The following CELF4 variants were observed in gnomAD, a reference collection of about 807,000 sequenced individuals.
CELF4 encodes CUG-BP- and ETR-3-like factor 4.
CELF4 carries 18 observed loss-of-function variants against 59.9 expected under a neutral mutation model. That is an observed-to-expected ratio of 0.30 (90% confidence interval 0.21 to 0.45). CELF4 has a LOEUF of 0.45. Among genes scored for constraint, CELF4 ranks in the 20% least tolerant of loss-of-function variants. The pLI is 1.00. For missense variants in CELF4, 456 were observed against 689.0 expected, an observed-to-expected ratio of 0.66 and a Z score of 3.79; for synonymous variants, 261 against 267.1, an observed-to-expected ratio of 0.98 and a Z score of 0.22.
At chr18:37,540,013 A>G (rs754293810) in intron 1 of CELF4, among the ~76,000 whole-genome samples, 8 of 152,184 alleles carry the variant, frequency 5.3e-5, no homozygotes, top group Non-Finnish European at 1.2e-4. Flanking sequence ...ATGTGTGCGT[A>G]GCTCTCCCTG....
intron 2 of CELF4, among the ~76,000 whole-genome samples, chr18:37,373,120 G>T (rs1374827102): frequency 6.6e-6 from 1 of 152,252 alleles, no homozygotes; most frequent in Non-Finnish European, 1.5e-5. Flanking sequence ...GAGAGACTGA[G>T]GCTGGAGTGG....
intron 3 of CELF4, 99 bp from the exon 4 acceptor site, chr18:37,275,342 C>A (rs2092932889): frequency 9.7e-6 from 7 of 720,574 alleles, no homozygotes; most frequent in African/African-American, 2.6e-5. Context: ...AGGGAGGAGC[C>A]GGGGAGGCGG....
rs550944624 is a variant in CELF4, at chr18:37,338,498, G to A, written c.370-16617C>T. Among the ~76,000 whole-genome samples the A allele has an allele frequency of 2.0e-5, 3 of 152,284 alleles. No homozygotes were observed. In the South Asian group the frequency reaches 6.2e-4, roughly 32 times the overall value. On this transcript the variant is annotated intron_variant, in intron 2 of 12. Coordinates refer to ENST00000420428, the MANE Select transcript of CELF4 (RefSeq NM_020180.4). ...TAAAAAATATTGCTTAGCTCAAAGA[G>A]ATACTGCTAGTGATGGGATTCTGGG...
At chr18:37,288,160 G>T (rs2094986622) in intron 3 of CELF4, among the ~76,000 whole-genome samples, 1 of 152,214 alleles carries the variant, frequency 6.6e-6, no homozygotes, top group African/African-American at 2.4e-5. Context: ...CTGGTTTACT[G>T]TGGACACCTG....
intron 1 of CELF4, among the ~76,000 whole-genome samples, chr18:37,512,663 CT>C (rs1251727373): frequency 6.7e-6 from 1 of 150,188 alleles, no homozygotes; most frequent in Non-Finnish European, 1.5e-5. Context: ...CCATCTCTTT[CT>C]TCTCCTCCTC....
At chr18:37,342,477 G>C (rs571905103) in intron 2 of CELF4, among the ~76,000 whole-genome samples, 1 of 152,180 alleles carries the variant, frequency 6.6e-6, no homozygotes, top group African/African-American at 2.4e-5. Context: ...CTGCCTCGGA[G>C]GGTGAGAGGC....
chr18:37,529,716 G>T (rs769090518), intron 1 of CELF4, among the ~76,000 whole-genome samples: 2 of 152,178 alleles, frequency 1.3e-5, no homozygotes, highest in African/African-American at 2.4e-5. Flanking sequence ...GTGCTGGTAG[G>T]GGGGCAGGAA....
rs554896214 is a variant in CELF4 at position 37,420,672 on chromosome 18, G to A, written c.369+64853C>T. On this transcript the variant is annotated intron_variant, in intron 2 of 12. Transcript: ENST00000420428. Reference sequence around the variant, plus strand: ...AGAGAACAGGTGACTCGTTCTCCAAGCATGGGGCCTGGAACCTGGCTAGTG... The same window carrying A: ...AGAGAACAGGTGACTCGTTCTCCAAACATGGGGCCTGGAACCTGGCTAGTG... 2.1e-4 allele frequency among the ~76,000 whole-genome samples: 32 copies of A among 152,306 alleles called. 1 individual carries two copies. The South Asian group carries it at 6.6e-3, about 32-fold the overall frequency.
At chr18:37,390,978 C>T (rs2099154947) in intron 2 of CELF4, among the ~76,000 whole-genome samples, 1 of 152,152 alleles carries the variant, frequency 6.6e-6, no homozygotes, top group South Asian at 2.1e-4. Context: ...CGTCCTCCCT[C>T]CTGTCCCCGT....
At chr18:37,501,179 C>A (rs1053427197) in intron 1 of CELF4, among the ~76,000 whole-genome samples, 1 of 152,222 alleles carries the variant, frequency 6.6e-6, no homozygotes, top group African/African-American at 2.4e-5. Context: ...TGTGACAAGA[C>A]ACTGGTTTGG....
chr18:37,421,119 G>T (rs187257906), intron 2 of CELF4, among the ~76,000 whole-genome samples: 1 of 152,230 alleles, frequency 6.6e-6, no homozygotes, highest in African/African-American at 2.4e-5. Context: ...ATCCCTCTCC[G>T]GGCATAGGCC....
Position 37,565,618 on chromosome 18 carries a change from T to G in CELF4, c.24A>C (p.Leu8Phe). Residue 8 changes from leucine (L) to phenylalanine (F), a missense_variant, in exon 1 of 13, where the codon TTA (leucine) becomes TTC (phenylalanine). Physicochemically the swap from Leu to Phe is conservative, Grantham distance 22. Around this residue, in one of 7 missense-constraint regions of CELF4, gnomAD observed 70 missense variants for 69.5 expected, o/e 1.01. Transcript: ENST00000420428. MYIKMAT[L>F]ANGQADNASL... ...TTGCGTTGTCAGCCTGTCCGTTTGC[T>G]AACGTGGCCATCTTTATATACATAG... 6.2e-7 allele frequency: 1 copy of G among 1,603,492 alleles called. No individual in the cohort carries two copies. The highest frequency in any genetic ancestry group is 2.2e-5 in the East Asian group (1 of 44,622).
intron 3 of CELF4, among the ~76,000 whole-genome samples, chr18:37,289,817 G>A (rs1284547638): frequency 4.6e-5 from 7 of 152,192 alleles, no homozygotes; most frequent in Non-Finnish European, 7.3e-5. Context: ...TGGCTGCACC[G>A]CCTTCTCTGT....
At chr18:37,520,437 C>T (rs571473467) in intron 1 of CELF4, among the ~76,000 whole-genome samples, 2 of 152,182 alleles carry the variant, frequency 1.3e-5, no homozygotes, top group African/African-American at 4.8e-5. Flanking sequence ...AAGCTTTGCA[C>T]TATAGCTGCT....
chr18:37,463,707 C>T (rs372936508), intron 2 of CELF4, among the ~76,000 whole-genome samples: 129 of 152,274 alleles, frequency 8.5e-4, no homozygotes, highest in Admixed American at 2.7e-3. Context: ...AATGACCACT[C>T]TTATTGTCAC....
intron 1 of CELF4, among the ~76,000 whole-genome samples, chr18:37,561,572 T>C (rs1189542075): frequency 6.6e-6 from 1 of 152,228 alleles, no homozygotes; most frequent in Non-Finnish European, 1.5e-5. Flanking sequence ...TATGAATGGA[T>C]TGCTGATTTC....
At chr18:37,468,714 T>C (rs985888895) in intron 2 of CELF4, among the ~76,000 whole-genome samples, 1 of 152,052 alleles carries the variant, frequency 6.6e-6, no homozygotes, top group East Asian at 1.9e-4. Flanking sequence ...TCAGGAAACT[T>C]ACAATCATGG....
intron 1 of CELF4, among the ~76,000 whole-genome samples, chr18:37,558,166 T>G (rs2099985380): frequency 1.3e-5 from 2 of 151,920 alleles, no homozygotes; most frequent in African/African-American, 4.8e-5. Context: ...CATGCCCCAC[T>G]AATTCCCCTT....
chr18:37,275,605 C>A, intron 3 of CELF4: 2 of 263,022 alleles, frequency 7.6e-6, no homozygotes, highest in South Asian at 4.7e-5. Context: ...GGGCAGCCTG[C>A]GTTCCCCTCC....
Sources: gnomAD v4.1 joint callset for allele counts (sites outside exome capture counted in the v4.1 genomes callset) on GRCh38, gnomAD v4.1.1 for gene constraint, gnomAD v4.1.1 regional missense constraint, MANE v1.5 for transcripts, NCBI Gene and HGNC (gene_info 2026-07-23, HGNC 2026-07-21) for gene names.